Variants in SCEL observed in about 807,000 individuals in gnomAD.
SCEL encodes sciellin.
A neutral mutation model predicts 117.6 loss-of-function variants in SCEL; 113 were observed. The observed-to-expected ratio is 0.96, with a 90% CI of 0.83 to 1.12. The LOEUF (loss-of-function observed/expected upper bound fraction) is 1.12, where lower values mean the gene tolerates loss of function less well. Ranked by LOEUF, SCEL falls within the 50% of genes most tolerant of loss-of-function variation. SCEL has a pLI of 0.00. For synonymous variants in SCEL, 270 were observed against 256.2 expected (o/e 1.05, Z -0.51); for missense variants, 785 against 810.8 (o/e 0.97, Z 0.39).
chr13:77,559,909 G>T, intron 4 of SCEL, 46 bp downstream of exon 4: 2 of 1,507,044 alleles, frequency 1.3e-6, no homozygotes, highest in Non-Finnish European at 1.8e-6. Context: ...CACAAAGATG[G>T]TAGTTTTCAG....
At position 77,599,453 on chromosome 13, in the gene SCEL, C is replaced by A; in HGVS notation, c.857+65C>A. 4.5e-6 allele frequency: 6 copies of A among 1,342,576 alleles called. No homozygotes were observed. In the East Asian group the frequency reaches 7.0e-5, roughly 16 times the overall value. The allele number at this position is 1,342,576 out of a possible 1,614,324, so 83.2% of individuals were successfully genotyped here. A position where few individuals can be genotyped will look rare whatever the true frequency, so the allele number is the denominator to read the frequency against. On this transcript the variant is annotated intron_variant, in intron 14 of 32. Coordinates refer to ENST00000349847, the MANE Select transcript of SCEL (RefSeq NM_144777.3). ...AGATTGCTCGTCTTATTCCCTCAGA[C>A]ATTAGCTGCAAGGGGGTTGTATCCT...
At chr13:77,579,353 A>G (rs1280135830) in intron 9 of SCEL, among the ~76,000 whole-genome samples, 1 of 152,214 alleles carries the variant, frequency 6.6e-6, no homozygotes, top group Non-Finnish European at 1.5e-5. Context: ...TAGTTTGTCA[A>G]TAAGTACATA....
intron 3 of SCEL, 141 bp downstream of exon 3, chr13:77,556,854 G>C: frequency 3.1e-6 from 2 of 653,482 alleles, no homozygotes; most frequent in Non-Finnish European, 5.5e-6. Flanking sequence ...GTGAGACTTA[G>C]TAAGCACAAA....
chr13:77,636,696 A>G (rs1302949281), intron 29 of SCEL, among the ~76,000 whole-genome samples: 1 of 152,216 alleles, frequency 6.6e-6, no homozygotes, highest in Non-Finnish European at 1.5e-5. Context: ...AAAATTTTGC[A>G]TGCTTTTTCT....
intron 2 of SCEL, 68 bp downstream of exon 2, chr13:77,555,986 A>T: frequency 1.8e-6 from 2 of 1,121,402 alleles, no homozygotes; most frequent in South Asian, 1.3e-5. Flanking sequence ...CACAGATCTC[A>T]ATTCTTTAAT....
At chr13:77,637,369 T>TATAAACATATATACATAC (rs1477201118) in intron 30 of SCEL, among the ~76,000 whole-genome samples, 175 bp downstream of exon 30, 1 of 144,150 alleles carries the variant, frequency 6.9e-6, no homozygotes, top group African/African-American at 2.5e-5. Context: ...TATATACATA[T>TATAAACATATATACATAC]ATAAACATAT....
At chr13:77,561,151 A>G (rs1593934569) in intron 4 of SCEL, among the ~76,000 whole-genome samples, 1 of 152,154 alleles carries the variant, frequency 6.6e-6, no homozygotes, top group Admixed American at 6.5e-5. Context: ...GATTCCACCA[A>G]CAAAGGAGAG....
chr13:77,610,232 C>T (rs2088547817), intron 22 of SCEL, 126 bp downstream of exon 22: 2 of 529,670 alleles, frequency 3.8e-6, no homozygotes, highest in African/African-American at 2.0e-5. Context: ...GCGGGAGGAT[C>T]ACAAGGTCAG....
At chr13:77,547,963 C>T (rs963477719) in intron 1 of SCEL, among the ~76,000 whole-genome samples, 7 of 152,188 alleles carry the variant, frequency 4.6e-5, no homozygotes, top group African/African-American at 1.7e-4. Context: ...CCAGTTGCCT[C>T]TTCCTTAGTA....
intron 19 of SCEL, among the ~76,000 whole-genome samples, chr13:77,606,919 A>G (rs532541396): frequency 4.2e-4 from 64 of 152,358 alleles, no homozygotes; most frequent in Non-Finnish European, 8.1e-4. Flanking sequence ...TGCTACTGGT[A>G]TGCAGAAAAC....
At chr13:77,622,736 C>G (rs953054238) in intron 27 of SCEL, among the ~76,000 whole-genome samples, 3 of 152,088 alleles carry the variant, frequency 2.0e-5, no homozygotes, top group Non-Finnish European at 4.4e-5. Flanking sequence ...ATGGCATGCA[C>G]CGGTAGTCCC....
chr13:77,617,955 C>A (rs2089176974), intron 26 of SCEL, 49 bp from the exon 27 acceptor site: 2 of 1,596,386 alleles, frequency 1.3e-6, no homozygotes, highest in Admixed American at 1.7e-5. Context: ...TAGCACAACC[C>A]CAAAATCTAT....
chr13:77,561,698 T>C (rs1169380502), intron 4 of SCEL, among the ~76,000 whole-genome samples: 3 of 152,192 alleles, frequency 2.0e-5, no homozygotes, highest in Non-Finnish European at 4.4e-5. Flanking sequence ...CTAAAGTTTA[T>C]CACGGAAAGT....
At chr13:77,589,512 C>T (rs1254829409) in intron 10 of SCEL, among the ~76,000 whole-genome samples, 1 of 151,986 alleles carries the variant, frequency 6.6e-6, no homozygotes, top group Non-Finnish European at 1.5e-5. Flanking sequence ...TATATTTGCT[C>T]CTAATATACA....
intron 29 of SCEL, among the ~76,000 whole-genome samples, chr13:77,636,773 G>T (rs1263029400): frequency 6.6e-6 from 1 of 152,114 alleles, no homozygotes; most frequent in Non-Finnish European, 1.5e-5. Context: ...CCCTGTTTGT[G>T]CTTTGTGTAT....
At chr13:77,641,820 T>C (rs1414530753) in intron 31 of SCEL, among the ~76,000 whole-genome samples, 1 of 152,108 alleles carries the variant, frequency 6.6e-6, no homozygotes, top group African/African-American at 2.4e-5. Context: ...AAGTGACACA[T>C]AGCAATCAGA....
chr13:77,603,629 C>T (rs531180111), intron 18 of SCEL, among the ~76,000 whole-genome samples: 1 of 152,256 alleles, frequency 6.6e-6, no homozygotes, highest in East Asian at 1.9e-4. Context: ...GGCACCCAAT[C>T]GCAGTGCTTC....
intron 29 of SCEL, among the ~76,000 whole-genome samples, chr13:77,636,076 C>T (rs1203430238): frequency 1.3e-5 from 2 of 152,310 alleles, no homozygotes; most frequent in Non-Finnish European, 2.9e-5. Flanking sequence ...GCCTCCTGTA[C>T]CTTAACCTAG....
chr13:77,615,476 A>C (rs995246544), intron 24 of SCEL, among the ~76,000 whole-genome samples: 1 of 152,158 alleles, frequency 6.6e-6, no homozygotes, highest in African/African-American at 2.4e-5. Flanking sequence ...ACTTGAAAGA[A>C]TACTTCATAG....
Sources: gnomAD v4.1 joint callset for allele counts (sites outside exome capture counted in the v4.1 genomes callset) on GRCh38, gnomAD v4.1.1 for gene constraint, MANE v1.5 for transcripts, NCBI Gene and HGNC (gene_info 2026-07-23, HGNC 2026-07-21) for gene names.